NRXN1: variants seen among roughly 807,000 people sequenced by gnomAD.
The protein encoded by NRXN1 is neurexin 1, also known as neurexin-1.
A neutral mutation model predicts 150.9 loss-of-function variants in NRXN1; 39 were observed. That is an observed-to-expected ratio of 0.26 (90% CI 0.20 to 0.34). The LOEUF (loss-of-function observed/expected upper bound fraction) is 0.34, where lower values mean the gene tolerates loss of function less well. Among genes scored for constraint, NRXN1 ranks in the 10% least tolerant of loss-of-function variants. The probability of loss-of-function intolerance (pLI) is 1.00; values close to 1 mark genes in which losing one functional copy is unlikely to be tolerated. For missense variants in NRXN1, 1,815 were observed against 1,949.9 expected, an observed-to-expected ratio of 0.93 and a Z score of 1.30; for synonymous variants, 924 against 757.0, an observed-to-expected ratio of 1.22 and a Z score of -3.62.
chr2:50,898,651 C>T (rs749268042), intron 5 of NRXN1: 2 of 423,880 alleles, frequency 4.7e-6, no homozygotes, highest in South Asian at 1.8e-5. Flanking sequence ...AATCTAAATT[C>T]CCACATTTCA....
At chr2:50,653,841 C>A (rs1685990040) in intron 5 of NRXN1, among the ~76,000 whole-genome samples, 1 of 151,908 alleles carries the variant, frequency 6.6e-6, no homozygotes, top group Non-Finnish European at 1.5e-5. Context: ...TCTTTAGAAC[C>A]TAGCTGTGAT....
intron 8 of NRXN1, among the ~76,000 whole-genome samples, chr2:50,610,214 A>T (rs1256845682): frequency 6.6e-6 from 1 of 152,172 alleles, no homozygotes; most frequent in Non-Finnish European, 1.5e-5. Flanking sequence ...TTTTTAAAAA[A>T]TATGGCTCAA....
intron 18 of NRXN1, among the ~76,000 whole-genome samples, chr2:50,180,347 T>C (rs2060628816): frequency 6.6e-6 from 1 of 152,062 alleles, no homozygotes; most frequent in Non-Finnish European, 1.5e-5. Context: ...TTAATGATAA[T>C]AGCTAATTCT....
chr2:50,478,743 T>G (rs1475727884), intron 15 of NRXN1, among the ~76,000 whole-genome samples: 1 of 152,198 alleles, frequency 6.6e-6, no homozygotes, highest in Non-Finnish European at 1.5e-5. Flanking sequence ...TTACTTTTTC[T>G]AAACTTTCAT....
intron 5 of NRXN1, among the ~76,000 whole-genome samples, chr2:50,720,291 T>C (rs1447899686): frequency 6.6e-6 from 1 of 152,100 alleles, no homozygotes. Flanking sequence ...AAAATTCATA[T>C]AAAACCAGTT....
chr2:49,968,493 G>A (rs1677352874), intron 21 of NRXN1, among the ~76,000 whole-genome samples: 1 of 152,092 alleles, frequency 6.6e-6, no homozygotes, highest in African/African-American at 2.4e-5. Context: ...CCCCTTGACT[G>A]ATTTTGAGAC....
At chr2:50,827,617 G>A (rs967488661) in intron 5 of NRXN1, among the ~76,000 whole-genome samples, 2 of 152,124 alleles carry the variant, frequency 1.3e-5, no homozygotes, top group African/African-American at 4.8e-5. Flanking sequence ...TATTTATTTA[G>A]TTTTTTAATT....
At chr2:50,650,619 G>T (rs1346856076) in intron 5 of NRXN1, among the ~76,000 whole-genome samples, 1 of 151,990 alleles carries the variant, frequency 6.6e-6, no homozygotes, top group African/African-American at 2.4e-5. Context: ...TAAACAAGCA[G>T]AAAAGTAGGT....
intron 21 of NRXN1, among the ~76,000 whole-genome samples, chr2:50,038,568 T>C (rs1353949293): frequency 1.3e-5 from 2 of 152,134 alleles, no homozygotes; most frequent in South Asian, 2.1e-4. Flanking sequence ...TCACAAGAGA[T>C]ACTGAGCCAC....
At chr2:50,278,241 AAT>A (rs539556643) in intron 17 of NRXN1, among the ~76,000 whole-genome samples, 101 of 122,612 alleles carry the variant, frequency 8.2e-4, no homozygotes, top group East Asian at 4.2e-3. Flanking sequence ...ATATATATAT[AAT>A]ATATATATAT....
intron 2 of NRXN1, among the ~76,000 whole-genome samples, chr2:51,003,325 G>A (rs1475274954): frequency 9.2e-5 from 14 of 151,840 alleles, no homozygotes; most frequent in Admixed American, 5.3e-4. Flanking sequence ...TAATAAAAAC[G>A]AACGTAAGGA....
intron 17 of NRXN1, among the ~76,000 whole-genome samples, chr2:50,363,540 G>C (rs1249662504): frequency 6.6e-6 from 1 of 152,184 alleles, no homozygotes; most frequent in East Asian, 1.9e-4. Context: ...ATCACAATGA[G>C]ATACCATCTC....
At chr2:50,138,037 TA>T (rs35551726) in intron 18 of NRXN1, among the ~76,000 whole-genome samples, 6 of 152,278 alleles carry the variant, frequency 3.9e-5, no homozygotes, top group African/African-American at 9.6e-5. Flanking sequence ...AAAGCTGTCA[TA>T]AAAAAATTTA....
intron 8 of NRXN1, among the ~76,000 whole-genome samples, chr2:50,576,795 C>T (rs1321521488): frequency 6.6e-6 from 1 of 152,052 alleles, no homozygotes; most frequent in Non-Finnish European, 1.5e-5. Flanking sequence ...TAAAAGATGG[C>T]TTTCCTGACC....
intron 17 of NRXN1, among the ~76,000 whole-genome samples, chr2:50,295,765 AG>A (rs1255302916): frequency 6.6e-6 from 1 of 152,236 alleles, no homozygotes; most frequent in Non-Finnish European, 1.5e-5. Flanking sequence ...TTAAAGAATG[AG>A]GAAGTCAGTA....
intron 5 of NRXN1, among the ~76,000 whole-genome samples, chr2:50,896,058 T>C (rs1405675772): frequency 6.6e-6 from 1 of 152,166 alleles, no homozygotes; most frequent in Non-Finnish European, 1.5e-5. Flanking sequence ...GCCCTGATAA[T>C]GTGAACCATT....
rs114133225 is a variant in NRXN1 at position 50,664,572 on chromosome 2, C to T, written c.833-40957G>A. Among the ~76,000 whole-genome samples, 984 of 151,690 alleles carry T rather than the reference C, an allele frequency of 6.5e-3. 13 individuals carry two copies. Among genetic ancestry groups the T allele is most frequent in the African/African-American group, 0.022 (909 of 41,416 alleles). On this transcript the variant is annotated intron_variant, in intron 5 of 22. Coordinates refer to ENST00000401669, the MANE Select transcript of NRXN1 (RefSeq NM_001330078.2). ...GGAACCAAAGGCAAAGCCCTTGATT[C>T]GCTTGAAAAATTTAGCAGGAAAGTA...
intron 2 of NRXN1, among the ~76,000 whole-genome samples, chr2:50,998,678 T>C (rs991302638): frequency 1.3e-5 from 2 of 152,076 alleles, no homozygotes; most frequent in African/African-American, 2.4e-5. Flanking sequence ...AGGATTAGAA[T>C]ATAAATCTAC....
At chr2:50,752,308 C>T (rs564253056) in intron 5 of NRXN1, among the ~76,000 whole-genome samples, 1 of 152,052 alleles carries the variant, frequency 6.6e-6, no homozygotes, top group South Asian at 2.1e-4. Flanking sequence ...ATACACTGCA[C>T]AGGGTATTAA....
Sources: gnomAD v4.1 joint callset for allele counts (sites outside exome capture counted in the v4.1 genomes callset) on GRCh38, gnomAD v4.1.1 for gene constraint, MANE v1.5 for transcripts, NCBI Gene and HGNC (gene_info 2026-07-23, HGNC 2026-07-21) for gene names.